Variants in ESRRG observed in about 807,000 individuals in gnomAD.
ESRRG encodes the protein estrogen related receptor gamma, also known as estrogen-related receptor gamma.
A neutral mutation model predicts 44.0 loss-of-function variants in ESRRG; 13 were observed. The ratio of observed to expected loss-of-function variants is 0.30; its 90% CI spans 0.19 to 0.47. The LOEUF (loss-of-function observed/expected upper bound fraction) is 0.47, where lower values mean the gene tolerates loss of function less well. Ranked by LOEUF, ESRRG falls within the 20% of genes least tolerant of loss-of-function variation. The pLI, the probability that ESRRG is intolerant of heterozygous loss-of-function variation, is 1.00. For synonymous variants in ESRRG, 215 were observed against 214.6 expected (o/e 1.00, Z -0.02); for missense variants, 395 against 580.6 (o/e 0.68, Z 3.29).
chr1:216,855,643 A>AGT (rs1164879790), intron 2 of ESRRG, among the ~76,000 whole-genome samples: 1 of 152,134 alleles, frequency 6.6e-6, no homozygotes, highest in East Asian at 1.9e-4. Context: ...TGGAAGGAAG[A>AGT]GTCCTCTCTG....
chr1:216,657,242 G>C (rs1477230697), intron 2 of ESRRG, among the ~76,000 whole-genome samples: 3 of 152,046 alleles, frequency 2.0e-5, no homozygotes, highest in African/African-American at 7.2e-5. Context: ...TTCTATATCT[G>C]TAACTTTTAA....
intron 2 of ESRRG, among the ~76,000 whole-genome samples, chr1:216,809,903 C>T (rs906458375): frequency 5.3e-5 from 8 of 152,158 alleles, no homozygotes; most frequent in African/African-American, 1.9e-4. Context: ...AGCTAAACAT[C>T]TCTTTATGTC....
chr1:216,580,192 C>T (rs2062483102), intron 3 of ESRRG, among the ~76,000 whole-genome samples: 1 of 152,120 alleles, frequency 6.6e-6, no homozygotes. Context: ...AATAAATGTA[C>T]AACATGCTTT....
At chr1:216,667,034 G>T (rs922182342) in intron 2 of ESRRG, among the ~76,000 whole-genome samples, 4 of 152,086 alleles carry the variant, frequency 2.6e-5, no homozygotes, top group African/African-American at 7.2e-5. Flanking sequence ...TAACCCAGAC[G>T]GGTCAGGATA....
At chr1:216,568,968 C>T (rs1224138192) in intron 3 of ESRRG, among the ~76,000 whole-genome samples, 5 of 151,786 alleles carry the variant, frequency 3.3e-5, no homozygotes, top group Non-Finnish European at 5.9e-5. Flanking sequence ...GCAGGAGAAT[C>T]GCTTGAACCC....
chr1:216,741,072 C>T (rs1305655001), intron 2 of ESRRG, among the ~76,000 whole-genome samples: 2 of 151,290 alleles, frequency 1.3e-5, no homozygotes, highest in African/African-American at 4.9e-5. Context: ...TTCTTTCACG[C>T]CCCCGTCCCC....
chr1:217,042,820 C>G (rs925954265), intron 1 of ESRRG, among the ~76,000 whole-genome samples: 9 of 152,052 alleles, frequency 5.9e-5, no homozygotes, highest in African/African-American at 2.2e-4. Flanking sequence ...GAGTGGTGAA[C>G]TCTGGTGACA....
chr1:216,706,417 C>T (rs1198934009), intron 1 of ESRRG, among the ~76,000 whole-genome samples: 1 of 152,160 alleles, frequency 6.6e-6, no homozygotes, highest in African/African-American at 2.4e-5. Context: ...CATATGTTTA[C>T]AGCCTTTTGA....
At chr1:216,719,119 CG>C (rs2085582369) in intron 1 of ESRRG, among the ~76,000 whole-genome samples, 1 of 151,932 alleles carries the variant, frequency 6.6e-6, no homozygotes, top group Admixed American at 6.6e-5. Context: ...AGGAATTTTT[CG>C]TAAGTGATAC....
intron 2 of ESRRG, among the ~76,000 whole-genome samples, chr1:216,849,287 G>A (rs561702520): frequency 8.5e-5 from 13 of 152,126 alleles, no homozygotes; most frequent in Admixed American, 4.6e-4. Context: ...TGTATCTTTC[G>A]TTCTTAGTAC....
At chr1:217,053,089 T>C (rs2086353935) in intron 1 of ESRRG, among the ~76,000 whole-genome samples, 1 of 139,854 alleles carries the variant, frequency 7.2e-6, no homozygotes, top group South Asian at 2.2e-4. Flanking sequence ...TGCTTGAGCC[T>C]AGAAGTTTGA....
At chr1:216,918,431 T>C (rs914125253) in intron 2 of ESRRG, among the ~76,000 whole-genome samples, 2 of 152,168 alleles carry the variant, frequency 1.3e-5, no homozygotes, top group Non-Finnish European at 2.9e-5. Flanking sequence ...CTGCTATGTG[T>C]TACCTATTTT....
At chr1:216,968,247 A>T (rs546197401) in intron 1 of ESRRG, among the ~76,000 whole-genome samples, 1 of 152,288 alleles carries the variant, frequency 6.6e-6, no homozygotes, top group East Asian at 1.9e-4. Flanking sequence ...GTTTAATGAA[A>T]TCAATTATTT....
chr1:216,890,898 C>A lies in ESRRG; in HGVS notation c.-14+48684G>T, dbSNP rs534277489. ...TTTAAATGTTTGTGTCCCTACTATG[C>A]AAAATCGTCCATTTAATTTCCCCAC... is the stretch of plus-strand genomic sequence containing the variant. On this transcript the variant is annotated intron_variant, in intron 2 of 7. Transcript: ENST00000359162. Among the ~76,000 whole-genome samples, 353 of 152,246 alleles carry A rather than the reference C, an allele frequency of 2.3e-3. 1 individual carries two copies. The highest frequency in any genetic ancestry group is 7.8e-3 in the African/African-American group (323 of 41,564).
chr1:216,573,181 T>C (rs569423684), intron 3 of ESRRG, among the ~76,000 whole-genome samples: 2 of 152,090 alleles, frequency 1.3e-5, no homozygotes, highest in East Asian at 3.9e-4. Context: ...TTTGTGAAGA[T>C]TAAAGTTTCC....
At chr1:216,721,037 T>C (rs1041006237) in intron 1 of ESRRG, among the ~76,000 whole-genome samples, 59 of 152,248 alleles carry the variant, frequency 3.9e-4, no homozygotes, top group African/African-American at 1.4e-3. Flanking sequence ...CTGACACATA[T>C]GTCAAAATGA....
intron 3 of ESRRG, among the ~76,000 whole-genome samples, chr1:216,638,413 G>C (rs557357292): frequency 4.6e-5 from 7 of 152,194 alleles, no homozygotes; most frequent in Admixed American, 1.3e-4. Context: ...CAGCCATGTG[G>C]GGGCTACTTA....
At chr1:216,886,380 T>C (rs939043306) in intron 2 of ESRRG, among the ~76,000 whole-genome samples, 2 of 152,234 alleles carry the variant, frequency 1.3e-5, no homozygotes, top group African/African-American at 4.8e-5. Context: ...GGTGAGGTGA[T>C]GTTCATTTAA....
chr1:216,851,802 C>T (rs1392338022), intron 2 of ESRRG, among the ~76,000 whole-genome samples: 1 of 152,022 alleles, frequency 6.6e-6, no homozygotes, highest in African/African-American at 2.4e-5. Flanking sequence ...TTATTTTTTC[C>T]TGAACATTAT....
Sources: allele counts gnomAD v4.1 joint callset (sites outside exome capture counted in the v4.1 genomes callset), GRCh38; gene constraint gnomAD v4.1.1; transcripts MANE v1.5; gene names NCBI Gene and HGNC (gene_info 2026-07-23, HGNC 2026-07-21).